Variants in NLRP9 observed in about 807,000 individuals in gnomAD.
NLRP9 encodes NLR family pyrin domain containing 9, also known as NACHT, LRR and PYD domains-containing protein 9.
Under a neutral mutation model 83.1 loss-of-function variants are expected in NLRP9, and 88 were observed. That is an observed-to-expected ratio of 1.06 (90% confidence interval 0.89 to 1.26). The LOEUF (loss-of-function observed/expected upper bound fraction) is 1.26, where lower values mean the gene tolerates loss of function less well. NLRP9 is among the 50% of genes most tolerant of loss of function. The pLI is 0.00. For missense variants in NLRP9, 1,308 were observed against 1,179.3 expected (o/e 1.11, Z -1.60); for synonymous variants, 521 against 447.6 (o/e 1.16, Z -2.07).
At chr19:55,737,936 A>G (rs1017552389) in intron 1 of NLRP9, among the ~76,000 whole-genome samples, 159 bp downstream of exon 1, 5 of 151,972 alleles carry the variant, frequency 3.3e-5, no homozygotes, top group African/African-American at 4.8e-5. Flanking sequence ...GCTGGCCCAC[A>G]TATGAACAGC....
intron 2 of NLRP9, among the ~76,000 whole-genome samples, chr19:55,730,598 T>C (rs2122327023): frequency 6.6e-6 from 1 of 152,306 alleles, no homozygotes; most frequent in Middle Eastern, 3.4e-3. Context: ...CAAGATAATG[T>C]CCTTTGCAAG....
chr19:55,725,099 T>C (rs183032057), intron 3 of NLRP9, among the ~76,000 whole-genome samples: 1 of 152,260 alleles, frequency 6.6e-6, no homozygotes, highest in Non-Finnish European at 1.5e-5. Flanking sequence ...GCCTGGAACA[T>C]GGTCAATTCA....
At chr19:55,710,314 C>T (rs73933315) in intron 8 of NLRP9, among the ~76,000 whole-genome samples, 8 of 152,094 alleles carry the variant, frequency 5.3e-5, no homozygotes, top group African/African-American at 1.9e-4. Flanking sequence ...TTCCCTTTCT[C>T]TGCTATACAG....
intron 8 of NLRP9, among the ~76,000 whole-genome samples, chr19:55,710,430 C>G (rs188966306): frequency 6.6e-6 from 1 of 152,048 alleles, no homozygotes; most frequent in Non-Finnish European, 1.5e-5. Context: ...CCTAGACATT[C>G]GTGATATGGT....
intron 8 of NLRP9, among the ~76,000 whole-genome samples, chr19:55,711,139 A>C (rs1343758169): frequency 1.3e-5 from 2 of 152,052 alleles, no homozygotes; most frequent in Non-Finnish European, 2.9e-5. Context: ...CATATTGTGA[A>C]CTTTTCTTAG....
intron 4 of NLRP9, among the ~76,000 whole-genome samples, chr19:55,719,345 G>T (rs1470534600): frequency 6.6e-6 from 1 of 151,952 alleles, no homozygotes; most frequent in African/African-American, 2.4e-5. Flanking sequence ...TAGAGACGGG[G>T]TTTCACCATG....
In NLRP9 at chr19:55,732,597, G is replaced by A; in HGVS notation, c.1234C>T (p.His412Tyr). 3 of 1,614,154 alleles carry A rather than the reference G, an allele frequency of 1.9e-6. No individual in the cohort carries two copies. Among genetic ancestry groups the A allele is most frequent in the Non-Finnish European group, 1.7e-6 (2 of 1,180,036 alleles). Residue 412 changes from histidine (H) to tyrosine (Y), a missense_variant, in exon 2 of 9, where the codon CAT becomes TAT. Physicochemically the swap from His to Tyr is moderately conservative, Grantham distance 83. Transcript: ENST00000332836. ...AACCCATTCCTCCGGAGATCCCCAT[G>A]GGAAAATACAAATGTATATGTCCAA... ...GIWTYTFVFS[H>Y]GDLRRNGLSE...
rs544558529 is a variant in NLRP9 at position 55,714,119 on chromosome 19, T to C, written c.2501+936A>G. Among the ~76,000 whole-genome samples, 99 of 151,854 alleles carry C rather than the reference T, an allele frequency of 6.5e-4. 1 individual carries two copies. Among genetic ancestry groups the C allele is most frequent in the African/African-American group, 2.2e-3 (91 of 41,444 alleles). On this transcript the variant is annotated intron_variant, in intron 6 of 8. Transcript: ENST00000332836. Reference sequence around the variant, plus strand: ...GGAACAGGGATGTTAGAATGCTCTATTGACCAACTTATCCACCTAGAAGCA... The same window carrying C: ...GGAACAGGGATGTTAGAATGCTCTACTGACCAACTTATCCACCTAGAAGCA...
intron 4 of NLRP9, among the ~76,000 whole-genome samples, 168 bp from the exon 5 acceptor site, chr19:55,717,066 C>T (rs1450973376): frequency 1.4e-5 from 2 of 145,700 alleles, no homozygotes; most frequent in East Asian, 2.0e-4. Flanking sequence ...AGGAATCTCA[C>T]TCTGTTGCCC....
chr19:55,725,987 T>C (rs926347529), intron 3 of NLRP9, among the ~76,000 whole-genome samples: 16 of 151,402 alleles, frequency 1.1e-4, no homozygotes, highest in Non-Finnish European at 2.1e-4. Flanking sequence ...GATTGCACCA[T>C]TGCACTCCAG....
intron 4 of NLRP9, among the ~76,000 whole-genome samples, chr19:55,721,450 G>C (rs1200554650): frequency 6.6e-6 from 1 of 152,062 alleles, no homozygotes; most frequent in African/African-American, 2.4e-5. Context: ...CCTAGTACAA[G>C]AGCCCCTGGG....
rs762487585 is a variant in NLRP9, at chr19:55,732,040, A to G, written c.1791T>C (p.Cys597=). The stretch of plus-strand genomic sequence containing the variant: ...AGTCATCTGGAAAGATATTCTCCAC[A>G]CACATGCGAAGTGTCGTTAAATGTT... The part of the protein sequence containing the change: ...HCQHLTTLRM[C]VENIFPDDSG... Residue 597 remains cysteine, a synonymous_variant, in exon 2 of 9, where the codon TGT becomes TGC. Coordinates refer to ENST00000332836, the MANE Select transcript of NLRP9 (RefSeq NM_176820.4). 1 of 1,592,454 alleles carries G rather than the reference A, an allele frequency of 6.3e-7. No individual in the cohort carries two copies. The highest frequency in any genetic ancestry group is 1.4e-5 in the African/African-American group (1 of 73,890).
intron 4 of NLRP9, among the ~76,000 whole-genome samples, chr19:55,720,647 C>T (rs1186912463): frequency 1.2e-4 from 18 of 152,112 alleles, no homozygotes; most frequent in Admixed American, 1.2e-3. Context: ...CCTAAACACA[C>T]ACAAAAAGCA....
chr19:55,732,844 C>T lies in NLRP9; in HGVS notation c.987G>A (p.Pro329=), dbSNP rs762877856. The T allele has an allele frequency of 3.1e-6, 5 of 1,614,074 alleles. No homozygotes were observed. Among genetic ancestry groups the T allele is most frequent in the Middle Eastern group, 1.6e-4 (1 of 6,062 alleles). ...AGGGATTATGGCACAAGATAAACAGCGGCCCATTATCTCTCACAAAATTGA... is the reference window on the plus strand; with the variant it reads ...AGGGATTATGGCACAAGATAAACAGTGGCCCATTATCTCTCACAAAATTGA... The part of the protein sequence containing the change: ...KVFNFVRDNG[P]LFILCHNPFT... The change falls in exon 2 of 9, where the codon CCG becomes CCA. Residue 329 remains proline (P), a synonymous_variant. Coordinates refer to ENST00000332836, the MANE Select transcript of NLRP9 (RefSeq NM_176820.4).
intron 8 of NLRP9, chr19:55,711,219 T>C (rs913886103): frequency 3.9e-6 from 1 of 258,734 alleles, no homozygotes; most frequent in South Asian, 1.5e-4. Context: ...GCCTCTTCCA[T>C]TTATACCCCG....
chr19:55,725,307 A>G (rs905099442), intron 3 of NLRP9, among the ~76,000 whole-genome samples: 1 of 152,208 alleles, frequency 6.6e-6, no homozygotes, highest in Non-Finnish European at 1.5e-5. Flanking sequence ...AGCCTGATAA[A>G]TGTGTATTTA....
Position 55,733,919 on chromosome 19 carries a change from A to ATTTTTTTTTTTTTTTTT in NLRP9, c.281-386_281-370dup, listed in dbSNP as rs765779528. Reference sequence around the variant, plus strand: ...ATAAACTCAACCAGTTGTCAACCAAATTTTTTTTTTTTTTTTTTTTTGAGA... The same window carrying ATTTTTTTTTTTTTTTTT: ...ATAAACTCAACCAGTTGTCAACCAAATTTTTTTTTTTTTTTTTTTTTTTTTTTTTTTTTTTTTTGAGA... On this transcript the variant is annotated intron_variant, in intron 1 of 8. Transcript: ENST00000332836. Among the ~76,000 whole-genome samples, 22 of 117,864 alleles carry ATTTTTTTTTTTTTTTTT rather than the reference A, an allele frequency of 1.9e-4. 2 individuals are homozygous for ATTTTTTTTTTTTTTTTT. Among genetic ancestry groups the ATTTTTTTTTTTTTTTTT allele is most frequent in the African/African-American group, 7.5e-4 (21 of 27,908 alleles). The allele number at this position is 117,864 out of a possible 152,430, so 77.3% of individuals were successfully genotyped here. A position where few individuals can be genotyped will look rare whatever the true frequency, so the allele number is the denominator to read the frequency against.
intron 6 of NLRP9, among the ~76,000 whole-genome samples, chr19:55,713,326 G>A (rs1438980946): frequency 6.6e-6 from 1 of 151,728 alleles, no homozygotes; most frequent in Non-Finnish European, 1.5e-5. Context: ...AGAGGACAGA[G>A]GATAGGGGAC....
At chr19:55,713,376 TAGATACATGA>T (rs1987848164) in intron 6 of NLRP9, among the ~76,000 whole-genome samples, 2 of 151,728 alleles carry the variant, frequency 1.3e-5, no homozygotes, top group Non-Finnish European at 2.9e-5. Flanking sequence ...AGATGACATA[TAGATACATGA>T]TACACATAGA....
Sources: allele counts gnomAD v4.1 joint callset (sites outside exome capture counted in the v4.1 genomes callset), GRCh38; gene constraint gnomAD v4.1.1; transcripts MANE v1.5; gene names NCBI Gene and HGNC (gene_info 2026-07-23, HGNC 2026-07-21).